The following ACP1 variants were observed in gnomAD, a reference collection of about 807,000 sequenced individuals.
The protein encoded by ACP1 is low molecular weight phosphotyrosine protein phosphatase.
A neutral mutation model predicts 23.4 loss-of-function variants in ACP1; 23 were observed. That is an observed-to-expected ratio of 0.98 (90% CI 0.71 to 1.39). The LOEUF (loss-of-function observed/expected upper bound fraction) is 1.39. Ranked by LOEUF, ACP1 falls within the 40% of genes most tolerant of loss-of-function variation. The pLI is 0.00. For synonymous variants in ACP1, 72 were observed against 67.2 expected (o/e 1.07, Z -0.35); for missense variants, 180 against 197.7 (o/e 0.91, Z 0.54).
chr2:266,197 T>G (rs2103069730), intron 1 of ACP1: 1 of 152,360 alleles, frequency 6.6e-6, no homozygotes. Context: ...CTGTGGCTTA[T>G]TTTTCATTTT....
intron 1 of ACP1, among the ~76,000 whole-genome samples, chr2:267,820 A>T (rs543504963): frequency 6.6e-6 from 1 of 152,244 alleles, no homozygotes; most frequent in Non-Finnish European, 1.5e-5. Flanking sequence ...TTGGCTTCAC[A>T]TGACATACAG....
intron 1 of ACP1, 159 bp downstream of exon 1, chr2:265,166 T>G: frequency 3.9e-6 from 3 of 760,436 alleles, no homozygotes; most frequent in Non-Finnish European, 6.0e-6. Context: ...AGCGCCCCTG[T>G]TCCCCATCCG....
rs1558265471 is a variant in ACP1, at chr2:277,316, G to T, written c.*12G>T. 1 of 1,611,980 alleles carries T rather than the reference G, an allele frequency of 6.2e-7. No individual in the cohort carries two copies. Among genetic ancestry groups the T allele is most frequent in the East Asian group, 2.2e-5 (1 of 44,884 alleles). On this transcript the variant is annotated 3_prime_UTR_variant, in exon 6 of 6. Coordinates refer to ENST00000272065, the MANE Select transcript of ACP1 (RefSeq NM_004300.4). The stretch of plus-strand genomic sequence containing the variant: ...AGAAGGCCCACTGAGGCAGGTTCGT[G>T]CCCTGCTGCGGCCAGCCTGACTAGA...
At chr2:276,248 T>G (rs1246046592) in intron 4 of ACP1, among the ~76,000 whole-genome samples, 1 of 152,174 alleles carries the variant, frequency 6.6e-6, no homozygotes, top group Admixed American at 6.5e-5. Context: ...GATAGAGGTA[T>G]TCTGCTGCCC....
chr2:266,784 T>G (rs1028869406), intron 1 of ACP1, among the ~76,000 whole-genome samples: 1 of 152,198 alleles, frequency 6.6e-6, no homozygotes, highest in African/African-American at 2.4e-5. Context: ...CTTAGTAACC[T>G]CGGTATAAGT....
intron 1 of ACP1, among the ~76,000 whole-genome samples, chr2:267,494 A>C (rs1018468945): frequency 2.0e-5 from 3 of 152,360 alleles, no homozygotes; most frequent in Admixed American, 2.0e-4. Flanking sequence ...GAAGGAGGTG[A>C]GGAAGCAAGC....
intron 1 of ACP1, among the ~76,000 whole-genome samples, chr2:269,105 C>T (rs1669966523): frequency 6.6e-6 from 1 of 151,984 alleles, no homozygotes; most frequent in Non-Finnish European, 1.5e-5. Flanking sequence ...AAAAATATTC[C>T]CAGGGTATAT....
chr2:269,211 A>C, intron 1 of ACP1: 1 of 420,758 alleles, frequency 2.4e-6, no homozygotes, highest in South Asian at 1.8e-5. Context: ...AACAAAATTT[A>C]GAATGTCGAA....
chr2:265,173 TCCGC>T, intron 1 of ACP1, 166 bp downstream of exon 1: 1 of 705,746 alleles, frequency 1.4e-6, no homozygotes, highest in Non-Finnish European at 2.2e-6. Context: ...CTGTTCCCCA[TCCGC>T]CCCGTGCACC....
At chr2:266,231 T>C (rs1162235954) in intron 1 of ACP1, 1 of 152,246 alleles carries the variant, frequency 6.6e-6, no homozygotes, top group East Asian at 1.9e-4. Context: ...GGACAATATA[T>C]GATAAACGCT....
At chr2:274,672 C>G (rs62114548) in intron 3 of ACP1, 43,052 of 152,184 alleles carry the variant, frequency 0.28, 6,612 homozygotes, top group Non-Finnish European at 0.35. Flanking sequence ...TCCAGGGCAT[C>G]TGTGCCTCCT....
At chr2:265,066 G>T (rs1221664681) in intron 1 of ACP1, 59 bp downstream of exon 1, 1 of 1,600,986 alleles carries the variant, frequency 6.2e-7, no homozygotes, top group East Asian at 2.3e-5. Flanking sequence ...GATCGGGCTT[G>T]TGCGCTGTAG....
In ACP1 at chr2:264,978, C is replaced by A. The variant is rs369916711; in HGVS notation, c.14C>A (p.Ala5Asp). Reference sequence around the variant, plus strand: ...GCGCGCGGGAAGATGGCGGAACAGGCTACCAAGTCCGTGCTGTTTGTGTGT... The same window carrying A: ...GCGCGCGGGAAGATGGCGGAACAGGATACCAAGTCCGTGCTGTTTGTGTGT... The part of the protein sequence containing the change: MAEQ[A>D]TKSVLFVCLG... Residue 5 changes from alanine (A) to aspartate (D), a missense_variant, in exon 1 of 6, where the codon GCT (alanine) becomes GAT (aspartate). Physicochemically the swap from Ala to Asp is moderately radical, Grantham distance 126. Coordinates refer to ENST00000272065, the MANE Select transcript of ACP1 (RefSeq NM_004300.4). 6.2e-7 allele frequency: 1 copy of A among 1,613,064 alleles called. No individual in the cohort carries two copies. Among genetic ancestry groups the A allele is most frequent in the East Asian group, 2.2e-5 (1 of 44,746 alleles).
chr2:265,077 G>A (rs928252350), intron 1 of ACP1, 70 bp downstream of exon 1: 5 of 1,590,732 alleles, frequency 3.1e-6, no homozygotes, highest in Non-Finnish European at 2.6e-6. Context: ...TGCGCTGTAG[G>A]TTGTGCCGCC....
rs553299368 is a variant in ACP1, at chr2:269,062, A to G, written c.44-2804A>G. On this transcript the variant is annotated intron_variant, in intron 1 of 5. Transcript: ENST00000272065. ...GTTGTTCTACAGATCCAAAATAATAATTGTCTTAATTTGGAATACAATGTT... is the reference window on the plus strand; with the variant it reads ...GTTGTTCTACAGATCCAAAATAATAGTTGTCTTAATTTGGAATACAATGTT... Among the ~76,000 whole-genome samples the G allele has an allele frequency of 5.9e-5, 9 of 152,360 alleles. No individual in the cohort carries two copies. The South Asian group carries it at 1.9e-3, about 32-fold the overall frequency.
rs139722316 is a variant in ACP1, at chr2:275,181, T to C, written c.273T>C (p.Cys91=). Residue 91 remains cysteine, a synonymous_variant, in exon 4 of 6, where the codon TGT becomes TGC. Coordinates refer to ENST00000272065, the MANE Select transcript of ACP1 (RefSeq NM_004300.4). ...TTGCCACATTTGATTATATACTATGTATGGATGAAAGCAATCTGAGGTAAT... is the reference window on the plus strand; with the variant it reads ...TTGCCACATTTGATTATATACTATGCATGGATGAAAGCAATCTGAGGTAAT... The part of the protein sequence containing the change: ...EDFATFDYIL[C]MDESNLRDLN... The C allele has an allele frequency of 1.3e-6, 2 of 1,544,366 alleles. No individual in the cohort carries two copies. Among genetic ancestry groups the C allele is most frequent in the Non-Finnish European group, 1.8e-6 (2 of 1,128,598 alleles).
At chr2:273,173 A>AGG (rs1261422316) in intron 3 of ACP1, 1 of 152,820 alleles carries the variant, frequency 6.5e-6, no homozygotes, top group Non-Finnish European at 1.5e-5. Flanking sequence ...AGGGAAACAG[A>AGG]GGAGAGAGAG....
intron 1 of ACP1, among the ~76,000 whole-genome samples, chr2:271,240 T>G (rs890741924): frequency 1.3e-5 from 2 of 152,236 alleles, no homozygotes; most frequent in African/African-American, 4.8e-5. Flanking sequence ...AGTTGACCCT[T>G]CAGCCACAGG....
chr2:275,913 A>T (rs1384741099), intron 4 of ACP1, among the ~76,000 whole-genome samples: 3 of 152,266 alleles, frequency 2.0e-5, no homozygotes, highest in African/African-American at 7.2e-5. Context: ...ATGAACAGAT[A>T]GGGATGCACC....
Sources: allele counts gnomAD v4.1 joint callset (sites outside exome capture counted in the v4.1 genomes callset), GRCh38; gene constraint gnomAD v4.1.1; transcripts MANE v1.5; gene names NCBI Gene and HGNC (gene_info 2026-07-23, HGNC 2026-07-21).